Variants in ELMO1 observed in about 807,000 individuals in gnomAD.
ELMO1 encodes the protein engulfment and cell motility 1, also known as engulfment and cell motility protein 1.
In ELMO1, 26 loss-of-function variants were observed where a neutral mutation model predicts 98.9. That is an observed-to-expected ratio of 0.26 (90% CI 0.19 to 0.36). ELMO1 has a LOEUF of 0.36. Among genes scored for constraint, ELMO1 ranks in the 10% least tolerant of loss-of-function variants. The probability of loss-of-function intolerance (pLI) is 1.00; values close to 1 mark genes in which losing one functional copy is unlikely to be tolerated. For missense variants in ELMO1, 627 were observed against 935.2 expected (o/e 0.67, Z 4.30); for synonymous variants, 346 against 346.0 (o/e 1.00, Z 0.00).
At chr7:36,956,783 A>G (rs1788488166) in intron 16 of ELMO1, among the ~76,000 whole-genome samples, 1 of 152,006 alleles carries the variant, frequency 6.6e-6, no homozygotes, top group Admixed American at 6.5e-5. Context: ...GAAGAGTGAG[A>G]AAGTGGAACT....
At chr7:37,417,871 A>T (rs1410509463) in intron 1 of ELMO1, among the ~76,000 whole-genome samples, 1 of 152,162 alleles carries the variant, frequency 6.6e-6, no homozygotes, top group African/African-American at 2.4e-5. Context: ...GTCATGCAAA[A>T]ACAGACACAC....
chr7:37,218,063 G>A (rs1793396077), intron 10 of ELMO1, among the ~76,000 whole-genome samples: 1 of 152,174 alleles, frequency 6.6e-6, no homozygotes, highest in South Asian at 2.1e-4. Flanking sequence ...GGGCTTTCTT[G>A]CTGATCTTCA....
chr7:37,158,232 G>C (rs1265022075), intron 13 of ELMO1, among the ~76,000 whole-genome samples: 2 of 152,150 alleles, frequency 1.3e-5, no homozygotes, highest in Admixed American at 1.3e-4. Context: ...ATACCATTCA[G>C]GACATAGGCA....
At chr7:36,874,048 G>C (rs1162936327) in intron 19 of ELMO1, among the ~76,000 whole-genome samples, 1 of 152,252 alleles carries the variant, frequency 6.6e-6, no homozygotes, top group South Asian at 2.1e-4. Flanking sequence ...CAGCCACATG[G>C]CATGGAATGG....
At chr7:36,940,599 C>A (rs1786945322) in intron 16 of ELMO1, among the ~76,000 whole-genome samples, 2 of 152,192 alleles carry the variant, frequency 1.3e-5, no homozygotes, top group African/African-American at 4.8e-5. Context: ...GTATCTACTT[C>A]AGAGTTCTGT....
chr7:37,106,630 T>C (rs948709181), intron 14 of ELMO1, among the ~76,000 whole-genome samples: 1 of 151,912 alleles, frequency 6.6e-6, no homozygotes, highest in Non-Finnish European at 1.5e-5. Flanking sequence ...TTGAAATGGC[T>C]CAGGATGACA....
intron 13 of ELMO1, among the ~76,000 whole-genome samples, chr7:37,137,505 A>T (rs1402181005): frequency 2.6e-5 from 4 of 152,136 alleles, no homozygotes; most frequent in Non-Finnish European, 5.9e-5. Context: ...GCTCTCCAAG[A>T]CAGATCATAT....
chr7:37,245,840 G>A (rs894799571), intron 6 of ELMO1, among the ~76,000 whole-genome samples: 3 of 152,108 alleles, frequency 2.0e-5, no homozygotes, highest in African/African-American at 7.2e-5. Context: ...GGACACAGAA[G>A]TCAGCTTGAA....
chr7:37,005,369 G>A (rs902969308), intron 16 of ELMO1, among the ~76,000 whole-genome samples: 27 of 151,890 alleles, frequency 1.8e-4, no homozygotes, highest in African/African-American at 6.3e-4. Flanking sequence ...CCATGCAGCT[G>A]AGACCACCAC....
chr7:36,932,321 G>C (rs752156703), intron 16 of ELMO1, among the ~76,000 whole-genome samples: 1 of 152,150 alleles, frequency 6.6e-6, no homozygotes, highest in Non-Finnish European at 1.5e-5. Flanking sequence ...TGGGCGATAC[G>C]TGATAAAAGA....
In ELMO1 at chr7:37,438,834, C is replaced by T. The variant is rs558148074; in HGVS notation, c.-74+9841G>A. On this transcript the variant is annotated intron_variant, in intron 1 of 21. Transcript: ENST00000310758. ...GCTGTACTCAACAGGAGATCTGAAC[C>T]CTCCATTAACAAGTATGTGCTTATG... Among the ~76,000 whole-genome samples the T allele has an allele frequency of 6.6e-5, 10 of 152,276 alleles. No homozygotes were observed. In the East Asian group the frequency reaches 1.9e-3, roughly 29 times the overall value.
At chr7:37,350,277 A>C (rs1158456090) in intron 1 of ELMO1, among the ~76,000 whole-genome samples, 1 of 152,252 alleles carries the variant, frequency 6.6e-6, no homozygotes, top group East Asian at 1.9e-4. Context: ...TTTTCTGTAC[A>C]CGCTAGCCAT....
At chr7:36,910,923 A>G (rs78693824) in intron 16 of ELMO1, among the ~76,000 whole-genome samples, 3,592 of 152,204 alleles carry the variant, frequency 0.024, 139 homozygotes, top group African/African-American at 0.082. Context: ...CCCCAAAATG[A>G]GCTTGGACAT....
intron 14 of ELMO1, among the ~76,000 whole-genome samples, chr7:37,122,526 A>G (rs1786138287): frequency 1.3e-5 from 2 of 152,232 alleles, no homozygotes; most frequent in Non-Finnish European, 2.9e-5. Flanking sequence ...AACAAAGATC[A>G]AAAGAGACGA....
chr7:36,991,153 T>C (rs993506181), intron 16 of ELMO1, among the ~76,000 whole-genome samples: 1 of 152,218 alleles, frequency 6.6e-6, no homozygotes, highest in Admixed American at 6.5e-5. Context: ...AGGGAGGTCA[T>C]CAGGGTACTT....
intron 15 of ELMO1, among the ~76,000 whole-genome samples, chr7:37,055,451 G>T (rs1415202175): frequency 6.6e-6 from 1 of 152,156 alleles, no homozygotes; most frequent in Non-Finnish European, 1.5e-5. Context: ...TTTCAAGTAT[G>T]TGTGTAAATC....
At chr7:37,335,005 G>A (rs913286547) in intron 2 of ELMO1, among the ~76,000 whole-genome samples, 15 of 152,100 alleles carry the variant, frequency 9.9e-5, no homozygotes, top group African/African-American at 2.2e-4. Context: ...ACACAGTAAC[G>A]GAGATCAATG....
intron 6 of ELMO1, among the ~76,000 whole-genome samples, chr7:37,256,418 T>C (rs960631861): frequency 6.6e-5 from 10 of 151,556 alleles, no homozygotes; most frequent in African/African-American, 2.4e-4. Flanking sequence ...CTCTAAAGAA[T>C]ATCTTGTCTT....
chr7:36,973,787 G>A (rs1294404643), intron 16 of ELMO1, among the ~76,000 whole-genome samples: 2 of 152,198 alleles, frequency 1.3e-5, no homozygotes, highest in East Asian at 1.9e-4. Context: ...CGGCGCTTGC[G>A]AGCCAGCTGG....
Sources: gnomAD v4.1 joint callset for allele counts (sites outside exome capture counted in the v4.1 genomes callset) on GRCh38, gnomAD v4.1.1 for gene constraint, MANE v1.5 for transcripts, NCBI Gene and HGNC (gene_info 2026-07-23, HGNC 2026-07-21) for gene names.